Variants in ANK3 observed in about 807,000 individuals in gnomAD.
ANK3 encodes the protein ankyrin 3.
ANK3 carries 57 observed loss-of-function variants against 370.9 expected under a neutral mutation model. That is an observed-to-expected ratio of 0.15 (90% confidence interval 0.12 to 0.19). The LOEUF is 0.19. ANK3 is among the 10% of genes least tolerant of loss of function. ANK3 has a pLI of 1.00. For missense variants in ANK3, 4,439 were observed against 5,302.1 expected (o/e 0.84, Z 5.06); for synonymous variants, 1,929 against 1,946.3 (o/e 0.99, Z 0.23).
intron 43 of ANK3, among the ~76,000 whole-genome samples, chr10:60,033,260 G>A (rs2074110343): frequency 6.6e-6 from 1 of 151,986 alleles, no homozygotes; most frequent in African/African-American, 2.4e-5. Context: ...AGCACTTTGG[G>A]AGGCCAAGCC....
chr10:60,572,075 C>A (rs2077613422), intron 2 of ANK3, among the ~76,000 whole-genome samples: 1 of 152,066 alleles, frequency 6.6e-6, no homozygotes. Flanking sequence ...TAAAGCTAAA[C>A]ATCTATACCA....
chr10:60,411,018 G>T (rs1244601619), intron 2 of ANK3, among the ~76,000 whole-genome samples: 4 of 152,002 alleles, frequency 2.6e-5, no homozygotes, highest in Non-Finnish European at 5.9e-5. Context: ...TTCTTCTCCT[G>T]GCTTTTGACC....
At position 60,609,706 on chromosome 10, in the gene ANK3, A is replaced by G. The variant is rs561987345; in HGVS notation, c.96+5480T>C. 3.3e-5 allele frequency among the ~76,000 whole-genome samples: 5 copies of G among 152,300 alleles called. No individual in the cohort carries two copies. The South Asian group carries it at 1.0e-3, about 32-fold the overall frequency. On this transcript the variant is annotated intron_variant, in intron 2 of 43. Transcript: ENST00000373827. The stretch of plus-strand genomic sequence containing the variant: ...GCATCAAAGAAATAAGCATTCATGG[A>G]TACCTTACCATATCATAACCCATAA...
At chr10:60,575,967 A>C (rs2077677341) in intron 2 of ANK3, among the ~76,000 whole-genome samples, 1 of 152,196 alleles carries the variant, frequency 6.6e-6, no homozygotes, top group Admixed American at 6.5e-5. Flanking sequence ...TCTGTGTAAA[A>C]GAGTAATTTG....
chr10:60,351,557 T>A (rs1205912132), intron 1 of ANK3, among the ~76,000 whole-genome samples: 1 of 152,218 alleles, frequency 6.6e-6, no homozygotes, highest in East Asian at 1.9e-4. Flanking sequence ...AAAAGACTAC[T>A]CATTTGCATT....
chr10:60,162,512 A>T lies in ANK3; in HGVS notation c.2614+4079T>A, dbSNP rs575077906. 1.3e-3 allele frequency among the ~76,000 whole-genome samples: 201 copies of T among 152,286 alleles called. 1 individual carries two copies. The highest frequency in any genetic ancestry group is 2.0e-3 in the Non-Finnish European group (137 of 68,024). On this transcript the variant is annotated intron_variant, in intron 23 of 43. Transcript: ENST00000280772. ...TGGATTTTAATTTACTGTGGCTTCCACTGGCCACCAAATTTGGCACGAAGC... is the reference window on the plus strand; with the variant it reads ...TGGATTTTAATTTACTGTGGCTTCCTCTGGCCACCAAATTTGGCACGAAGC...
At chr10:60,485,416 C>T (rs752362943) in intron 2 of ANK3, among the ~76,000 whole-genome samples, 4 of 152,160 alleles carry the variant, frequency 2.6e-5, no homozygotes, top group African/African-American at 9.7e-5. Context: ...CAGGGAATCT[C>T]GGAGATATGT....
At chr10:60,083,468 G>C in intron 33 of ANK3, 24 bp downstream of exon 33, 2 of 1,598,660 alleles carry the variant, frequency 1.3e-6, no homozygotes, top group Non-Finnish European at 1.7e-6. Flanking sequence ...ATAATTCACA[G>C]ATTCTCTGTT....
rs370178192 is a variant in ANK3, at chr10:60,196,254, G to A, written c.1789-11C>T. On this transcript the variant is annotated splice_polypyrimidine_tract_variant and intron_variant, in intron 15 of 43. Coordinates refer to ENST00000280772, the MANE Select transcript of ANK3 (RefSeq NM_020987.5). Reference sequence around the variant, plus strand: ...TGGTGTTAGCCCGCTCTGAAAACACGTGCAGAAACAACAACCAGTGTCAAA... The same window carrying A: ...TGGTGTTAGCCCGCTCTGAAAACACATGCAGAAACAACAACCAGTGTCAAA... 2.1e-5 allele frequency: 34 copies of A among 1,610,830 alleles called. No homozygotes were observed. The highest frequency in any genetic ancestry group is 6.7e-5 in the African/African-American group (5 of 74,844).
chr10:60,212,756 C>CA (rs35429087), intron 9 of ANK3, among the ~76,000 whole-genome samples: 2 of 151,828 alleles, frequency 1.3e-5, no homozygotes, highest in African/African-American at 4.8e-5. Context: ...GTATCATTTC[C>CA]AAAAAAATCA....
At chr10:60,520,456 A>G (rs1369639485) in intron 2 of ANK3, among the ~76,000 whole-genome samples, 1 of 152,096 alleles carries the variant, frequency 6.6e-6, no homozygotes, top group African/African-American at 2.4e-5. Context: ...ATAAATTTTG[A>G]CCATCTCCGT....
At chr10:60,104,607 A>C (rs1367302306) in intron 28 of ANK3, among the ~76,000 whole-genome samples, 4 of 152,046 alleles carry the variant, frequency 2.6e-5, no homozygotes, top group African/African-American at 7.2e-5. Context: ...TTTCTTTTTA[A>C]ATTTTTCACA....
At chr10:60,419,401 C>T (rs953096452) in intron 2 of ANK3, among the ~76,000 whole-genome samples, 79 of 152,176 alleles carry the variant, frequency 5.2e-4, no homozygotes, top group African/African-American at 1.8e-3. Flanking sequence ...GGCCCTGGTA[C>T]CACAGGCTCT....
At chr10:60,669,700 CT>C (rs1261666697) in intron 1 of ANK3, among the ~76,000 whole-genome samples, 58 of 152,326 alleles carry the variant, frequency 3.8e-4, no homozygotes, top group Middle Eastern at 3.4e-3. Context: ...TTTTCCTTGA[CT>C]CCCCCTCACT....
intron 2 of ANK3, among the ~76,000 whole-genome samples, chr10:60,556,281 C>T (rs1347587635): frequency 6.6e-6 from 1 of 152,196 alleles, no homozygotes; most frequent in Non-Finnish European, 1.5e-5. Flanking sequence ...AGTGCACCAT[C>T]TATTTTCCGG....
chr10:60,597,926 C>T (rs939329395), intron 2 of ANK3, among the ~76,000 whole-genome samples: 2 of 152,130 alleles, frequency 1.3e-5, no homozygotes, highest in Admixed American at 6.6e-5. Flanking sequence ...AAGTGGTTCA[C>T]GAAGCTTGGT....
intron 35 of ANK3, 76 bp downstream of exon 35, chr10:60,082,074 C>T: frequency 8.6e-7 from 1 of 1,162,328 alleles, no homozygotes; most frequent in Non-Finnish European, 1.3e-6. Flanking sequence ...ACACTTTAGC[C>T]CTCTGCAACT....
chr10:60,691,309 G>A (rs540414187), intron 1 of ANK3, among the ~76,000 whole-genome samples: 3 of 152,194 alleles, frequency 2.0e-5, no homozygotes, highest in South Asian at 4.2e-4. Context: ...ATTTGAAAAA[G>A]AAAAGAAAAG....
intron 1 of ANK3, among the ~76,000 whole-genome samples, chr10:60,299,392 G>T (rs1346276709): frequency 6.6e-6 from 1 of 152,124 alleles, no homozygotes; most frequent in East Asian, 1.9e-4. Context: ...TAGCATGTTT[G>T]TCCACCTGAT....
Sources: gnomAD v4.1 joint callset for allele counts (sites outside exome capture counted in the v4.1 genomes callset) on GRCh38, gnomAD v4.1.1 for gene constraint, MANE v1.5 for transcripts, NCBI Gene and HGNC (gene_info 2026-07-23, HGNC 2026-07-21) for gene names.